Variants in ALG9 observed in about 807,000 individuals in gnomAD.
ALG9 encodes ALG9 alpha-1,2-mannosyltransferase.
ALG9 carries 55 observed loss-of-function variants against 81.8 expected under a neutral mutation model. The ratio of observed to expected loss-of-function variants is 0.67; its 90% CI spans 0.54 to 0.84. The LOEUF (loss-of-function observed/expected upper bound fraction) is 0.84, where lower values mean the gene tolerates loss of function less well. Ranked by LOEUF, ALG9 falls within the 40% of genes least tolerant of loss-of-function variation. The probability of loss-of-function intolerance (pLI) is 0.00; values close to 1 mark genes in which losing one functional copy is unlikely to be tolerated. For missense variants in ALG9, 629 were observed against 745.0 expected, an observed-to-expected ratio of 0.84 and a Z score of 1.81; for synonymous variants, 278 against 274.3, an observed-to-expected ratio of 1.01 and a Z score of -0.13.
intron 13 of ALG9, among the ~76,000 whole-genome samples, chr11:111,825,309 T>G (rs1399505801): frequency 6.6e-6 from 1 of 152,200 alleles, no homozygotes; most frequent in African/African-American, 2.4e-5. Flanking sequence ...TTTGAAAGAT[T>G]AATGACAAAC....
the ALG9 span, among the ~76,000 whole-genome samples, chr11:111,772,849 C>T: frequency 3.5e-4 from 53 of 151,966 alleles, no homozygotes; most frequent in African/African-American, 1.1e-3. Flanking sequence ...TTTTTTTCAT[C>T]GGTAAAATAG....
chr11:111,826,066 C>CAGTAAT (rs1555108182), intron 13 of ALG9, among the ~76,000 whole-genome samples: 1 of 132,684 alleles, frequency 7.5e-6, no homozygotes, highest in Non-Finnish European at 1.6e-5. Flanking sequence ...AACTCCGTCT[C>CAGTAAT]AATAATAATA....
intron 4 of ALG9, chr11:111,864,265 C>T: frequency 8.9e-7 from 1 of 1,128,064 alleles, no homozygotes; most frequent in Non-Finnish European, 1.3e-6. Context: ...TGTCTGGCTC[C>T]TCCAGCGTTG....
intron 10 of ALG9, among the ~76,000 whole-genome samples, chr11:111,839,376 G>A (rs59710765): frequency 0.29 from 44,668 of 151,854 alleles, 7,450 homozygotes; most frequent in East Asian, 0.59. Flanking sequence ...ACAAGGTCAT[G>A]AGATCGAGAC....
At chr11:111,811,536 C>G (rs1950709306) in intron 13 of ALG9, among the ~76,000 whole-genome samples, 1 of 123,726 alleles carries the variant, frequency 8.1e-6, no homozygotes, top group African/African-American at 3.3e-5. Flanking sequence ...GAGTAAGACT[C>G]TGTCTCAAAA....
At position 111,794,956 on chromosome 11, in the gene ALG9, G is replaced by A. The variant is rs544774044; in HGVS notation, c.1734-8436C>T. On this transcript the variant is annotated intron_variant, in intron 14 of 14. Transcript: ENST00000616540. Reference sequence around the variant, plus strand: ...CAATTTAAGCACATCTCAAAAAGCTGGTATGGAGCAAAAATGTGACTGTTA... The same window carrying A: ...CAATTTAAGCACATCTCAAAAAGCTAGTATGGAGCAAAAATGTGACTGTTA... Among the ~76,000 whole-genome samples, 153 of 152,262 alleles carry A rather than the reference G, an allele frequency of 1.0e-3. 1 individual carries two copies. The highest frequency in any genetic ancestry group is 3.6e-3 in the African/African-American group (149 of 41,546).
rs1964299102 is a variant in ALG9 at position 111,871,578 on chromosome 11, AG to A, written c.-97del. 8 of 1,531,326 alleles carry A rather than the reference AG, an allele frequency of 5.2e-6. No individual in the cohort carries two copies. In the Admixed American group the frequency reaches 5.9e-5, roughly 11 times the overall value. The allele number at this position is 1,531,326 out of a possible 1,614,324, so 94.9% of individuals were successfully genotyped here. ...CAAACGGTGTCCGCCGAGGGACAAAAGACCTTGACATGCGCAGAAAATACTA... is the reference window on the plus strand; with the variant it reads ...CAAACGGTGTCCGCCGAGGGACAAAAACCTTGACATGCGCAGAAAATACTA... On this transcript the variant is annotated 5_prime_UTR_variant, in exon 1 of 15. Coordinates refer to ENST00000616540, the MANE Select transcript of ALG9 (RefSeq NM_024740.2).
chr11:111,863,001 C>A (rs893452238), intron 4 of ALG9, among the ~76,000 whole-genome samples: 1 of 152,052 alleles, frequency 6.6e-6, no homozygotes, highest in Non-Finnish European at 1.5e-5. Flanking sequence ...AATTTTCAGA[C>A]ACTTGGGTTA....
chr11:111,864,170 T>A, intron 4 of ALG9: 1 of 567,900 alleles, frequency 1.8e-6, no homozygotes, highest in Non-Finnish European at 3.2e-6. Context: ...AAGAGAACAA[T>A]AAATAAAAGC....
At chr11:111,781,799 C>G (rs571337467), downstream of ALG9, among the ~76,000 whole-genome samples, 20 of 152,292 alleles carry the variant, frequency 1.3e-4, no homozygotes, top group African/African-American at 4.6e-4. Context: ...AGGCATGCGC[C>G]ACTACGCCCA....
chr11:111,834,242 A>G (rs1450400593), intron 13 of ALG9, among the ~76,000 whole-genome samples: 2 of 152,256 alleles, frequency 1.3e-5, no homozygotes, highest in Non-Finnish European at 2.9e-5. Context: ...AAAGAGGAAG[A>G]TAATTTTGAT....
Position 111,847,076 on chromosome 11 carries a change from A to G in ALG9, c.896-2353T>C, listed in dbSNP as rs117113286. Among the ~76,000 whole-genome samples, 1,008 of 152,288 alleles carry G rather than the reference A, an allele frequency of 6.6e-3. 6 individuals are homozygous for G. The highest frequency in any genetic ancestry group is 0.051 in the Middle Eastern group (15 of 294). ...TGCTCCATAGATTGAATGAAGGAGA[A>G]CTACTTCCCAAAGTTATAATTTTAT... On this transcript the variant is annotated intron_variant, in intron 8 of 14. Transcript: ENST00000616540.
At chr11:111,866,216 G>A (rs781869741) in intron 3 of ALG9, among the ~76,000 whole-genome samples, 1 of 152,180 alleles carries the variant, frequency 6.6e-6, no homozygotes, top group Non-Finnish European at 1.5e-5. Flanking sequence ...GGAATTACTT[G>A]AACCTGGGAG....
intron 14 of ALG9, among the ~76,000 whole-genome samples, chr11:111,787,629 TTG>T (rs1329025481): frequency 6.6e-6 from 1 of 151,506 alleles, no homozygotes; most frequent in African/African-American, 2.4e-5. Context: ...GCTAATTTTT[TTG>T]TATTTTTTAG....
chr11:111,780,096 T>C (rs1007720632), downstream of ALG9, among the ~76,000 whole-genome samples: 10 of 152,272 alleles, frequency 6.6e-5, no homozygotes, highest in African/African-American at 2.2e-4. Context: ...TTCCTTTTCC[T>C]AGCAGGACAT....
chr11:111,803,477 G>A (rs1555082200), intron 14 of ALG9, among the ~76,000 whole-genome samples: 1 of 149,156 alleles, frequency 6.7e-6, no homozygotes, highest in Non-Finnish European at 1.5e-5. Context: ...CTCCAACCTG[G>A]GTGACAGAGT....
At chr11:111,828,964 C>T (rs960031882) in intron 13 of ALG9, 2 of 152,262 alleles carry the variant, frequency 1.3e-5, no homozygotes, top group South Asian at 4.1e-4. Flanking sequence ...TTTACTGTGA[C>T]TATTTTTAGC....
intron 13 of ALG9, among the ~76,000 whole-genome samples, chr11:111,814,440 T>C (rs1951184623): frequency 6.6e-6 from 1 of 152,208 alleles, no homozygotes; most frequent in Non-Finnish European, 1.5e-5. Context: ...GTGCTGGCAA[T>C]GTTCTATTAT....
chr11:111,786,320 C>T lies in ALG9; in HGVS notation c.*77G>A, dbSNP rs984910253. 38 of 1,598,120 alleles carry T rather than the reference C, an allele frequency of 2.4e-5. No homozygotes were observed. The highest frequency in any genetic ancestry group is 4.4e-5 in the South Asian group (4 of 90,254). ...AGACCTTTATTACAAATGTTACAGG[C>T]GATGACTTGCAGGGAGTCAGGTCAC... On this transcript the variant is annotated 3_prime_UTR_variant, in exon 15 of 15. Transcript: ENST00000616540.
Sources: gnomAD v4.1 joint callset for allele counts (sites outside exome capture counted in the v4.1 genomes callset) on GRCh38, gnomAD v4.1.1 for gene constraint, MANE v1.5 for transcripts, NCBI Gene and HGNC (gene_info 2026-07-23, HGNC 2026-07-21) for gene names.